Variants in GRHL2 observed in about 807,000 individuals in gnomAD.
The protein encoded by GRHL2 is grainyhead-like protein 2 homolog.
GRHL2 carries 21 observed loss-of-function variants against 83.8 expected under a neutral mutation model. The ratio of observed to expected loss-of-function variants is 0.25; its 90% CI spans 0.18 to 0.36. The LOEUF (loss-of-function observed/expected upper bound fraction) is 0.36. Ranked by LOEUF, GRHL2 falls within the 10% of genes least tolerant of loss-of-function variation. The probability of loss-of-function intolerance (pLI) is 1.00; values close to 1 mark genes in which losing one functional copy is unlikely to be tolerated. For missense variants in GRHL2, 623 were observed against 781.8 expected, an observed-to-expected ratio of 0.80 and a Z score of 2.42; for synonymous variants, 280 against 278.9, an observed-to-expected ratio of 1.00 and a Z score of -0.04.
chr8:101,493,400 C>T (rs1810011399), intron 1 of GRHL2, among the ~76,000 whole-genome samples: 1 of 151,840 alleles, frequency 6.6e-6, no homozygotes, highest in Non-Finnish European at 1.5e-5. Flanking sequence ...GGCGCCGTCC[C>T]CCACTCCCTC....
At chr8:101,574,880 C>T (rs1811902430) in intron 6 of GRHL2, among the ~76,000 whole-genome samples, 1 of 152,242 alleles carries the variant, frequency 6.6e-6, no homozygotes, top group South Asian at 2.1e-4. Flanking sequence ...TCTAGTAACT[C>T]ACTGAAACTG....
chr8:101,621,727 T>C (rs1294167826), intron 9 of GRHL2, among the ~76,000 whole-genome samples: 1 of 151,930 alleles, frequency 6.6e-6, no homozygotes, highest in Non-Finnish European at 1.5e-5. Context: ...GAGACCCCTG[T>C]CTCTACAAAA....
chr8:101,631,867 G>GAGACA, intron 10 of GRHL2, 143 bp downstream of exon 10: 1 of 743,684 alleles, frequency 1.3e-6, no homozygotes, highest in South Asian at 1.5e-5. Context: ...GTGGAGACAG[G>GAGACA]GTGATTGATT....
At chr8:101,623,644 ACAGTAAGACAGTTCACAGT>A in intron 9 of GRHL2, among the ~76,000 whole-genome samples, 1 of 152,094 alleles carries the variant, frequency 6.6e-6, no homozygotes, top group African/African-American at 2.4e-5. Flanking sequence ...AGGACAGTTC[ACAGTAAGACAGTTCACAGT>A]ACACAGTAGG....
chr8:101,628,816 A>G (rs1042228560), intron 9 of GRHL2, among the ~76,000 whole-genome samples: 10 of 152,152 alleles, frequency 6.6e-5, no homozygotes, highest in Non-Finnish European at 1.3e-4. Flanking sequence ...AAGTAACTGC[A>G]GATGTGATGG....
the GRHL2 span, among the ~76,000 whole-genome samples, chr8:101,680,096 G>A: frequency 6.0e-3 from 636 of 105,140 alleles, 3 homozygotes; most frequent in Non-Finnish European, 6.6e-3. Flanking sequence ...AAATGTAAAT[G>A]GGCTAAATGC....
chr8:101,651,782 T>C (rs1813625727), intron 14 of GRHL2, among the ~76,000 whole-genome samples: 1 of 152,188 alleles, frequency 6.6e-6, no homozygotes, highest in Admixed American at 6.5e-5. Flanking sequence ...GAGGTCAGGT[T>C]CCCTAGGCTG....
intron 2 of GRHL2, among the ~76,000 whole-genome samples, chr8:101,550,418 C>T (rs958867614): frequency 1.3e-5 from 2 of 152,136 alleles, no homozygotes; most frequent in African/African-American, 4.8e-5. Context: ...CAATGTTTAG[C>T]TCCCATTTAT....
intron 7 of GRHL2, among the ~76,000 whole-genome samples, chr8:101,598,476 G>C (rs1293641987): frequency 6.6e-6 from 1 of 151,724 alleles, no homozygotes; most frequent in Admixed American, 6.6e-5. Flanking sequence ...CTGACCTCAG[G>C]TAATCCTCCT....
chr8:101,652,421 GTGTGGT>G (rs1813664941), intron 14 of GRHL2, among the ~76,000 whole-genome samples: 7 of 85,626 alleles, frequency 8.2e-5, no homozygotes, highest in South Asian at 4.3e-4. Flanking sequence ...TGGTGTGTGT[GTGTGGT>G]GTGTGTGTCT....
intron 1 of GRHL2, among the ~76,000 whole-genome samples, chr8:101,518,743 A>G (rs1810622471): frequency 6.6e-6 from 1 of 152,202 alleles, no homozygotes; most frequent in Non-Finnish European, 1.5e-5. Context: ...CTCCCATACT[A>G]GAAAGACCCC....
intron 1 of GRHL2, among the ~76,000 whole-genome samples, chr8:101,512,742 A>G (rs191414308): frequency 6.6e-6 from 1 of 152,368 alleles, no homozygotes; most frequent in East Asian, 1.9e-4. Context: ...GGATTGGCAG[A>G]GGATGCTTTC....
chr8:101,523,471 C>G (rs911032775), intron 1 of GRHL2, among the ~76,000 whole-genome samples: 1 of 90,142 alleles, frequency 1.1e-5, no homozygotes, highest in South Asian at 4.7e-4. Flanking sequence ...TTTATATCCA[C>G]TGAAAGTTTT....
In GRHL2 at chr8:101,504,008, TTATG is replaced by T. The variant is rs1445741073; in HGVS notation, c.20+11231_20+11234del. ...AAATTTTATTTATGCATTTATGTAT[TTATG>T]TATGTATGTATTTAAAAAAATTAAA... On this transcript the variant is annotated intron_variant, in intron 1 of 15. Coordinates refer to ENST00000646743, the MANE Select transcript of GRHL2 (RefSeq NM_024915.4). Among the ~76,000 whole-genome samples the T allele has an allele frequency of 3.3e-5, 5 of 152,332 alleles. No homozygotes were observed. In the East Asian group the frequency reaches 7.7e-4, roughly 23 times the overall value.
At chr8:101,498,728 C>T (rs1810159982) in intron 1 of GRHL2, among the ~76,000 whole-genome samples, 1 of 152,090 alleles carries the variant, frequency 6.6e-6, no homozygotes, top group South Asian at 2.1e-4. Flanking sequence ...CAATGAAAAG[C>T]TATGTCTAGC....
intron 14 of GRHL2, among the ~76,000 whole-genome samples, chr8:101,650,535 G>A (rs1300392167): frequency 1.3e-5 from 2 of 152,174 alleles, no homozygotes; most frequent in Non-Finnish European, 2.9e-5. Context: ...GTTCCAAGGT[G>A]TGGAATTGCT....
At chr8:101,640,672 G>T (rs1297846776) in intron 12 of GRHL2, among the ~76,000 whole-genome samples, 1 of 152,166 alleles carries the variant, frequency 6.6e-6, no homozygotes, top group Non-Finnish European at 1.5e-5. Flanking sequence ...GCCCCGCTGA[G>T]GTCCTCTTTT....
intron 11 of GRHL2, chr8:101,636,661 T>C (rs1316224903): frequency 1.8e-6 from 1 of 543,206 alleles, no homozygotes; most frequent in Non-Finnish European, 3.3e-6. Context: ...TTTTATTTTA[T>C]TAAAATCTAG....
At chr8:101,531,414 G>A (rs942710043) in intron 1 of GRHL2, among the ~76,000 whole-genome samples, 2 of 152,058 alleles carry the variant, frequency 1.3e-5, no homozygotes, top group East Asian at 1.9e-4. Context: ...CCCATGTGAG[G>A]GGCTTAGAAC....
Sources: gnomAD v4.1 joint callset for allele counts (sites outside exome capture counted in the v4.1 genomes callset) on GRCh38, gnomAD v4.1.1 for gene constraint, MANE v1.5 for transcripts, NCBI Gene and HGNC (gene_info 2026-07-23, HGNC 2026-07-21) for gene names.